Variants in ANK3 observed in about 807,000 individuals in gnomAD.
ANK3 encodes ankyrin 3.
Under a neutral mutation model 370.9 loss-of-function variants are expected in ANK3, and 57 were observed. The observed-to-expected ratio is 0.15, with a 90% CI of 0.12 to 0.19. The LOEUF is 0.19. Among genes scored for constraint, ANK3 ranks in the 10% least tolerant of loss-of-function variants. The pLI, the probability that ANK3 is intolerant of heterozygous loss-of-function variation, is 1.00. For missense variants in ANK3, 4,439 were observed against 5,302.1 expected (o/e 0.84, Z 5.06); for synonymous variants, 1,929 against 1,946.3 (o/e 0.99, Z 0.23).
At chr10:60,036,188 TG>T (rs2074916908) in intron 43 of ANK3, among the ~76,000 whole-genome samples, 1 of 152,150 alleles carries the variant, frequency 6.6e-6, no homozygotes, top group Admixed American at 6.5e-5. Flanking sequence ...TTTTCTGAAG[TG>T]TAAACCACCA....
intron 23 of ANK3, 56 bp from the exon 24 acceptor site, chr10:60,139,143 T>A (rs201484441): frequency 6.3e-7 from 1 of 1,588,576 alleles, no homozygotes; most frequent in Non-Finnish European, 8.6e-7. Context: ...AAGTGTCAGC[T>A]GTGGAGAAAA....
chr10:60,439,983 T>A (rs951945461), intron 2 of ANK3, among the ~76,000 whole-genome samples: 2 of 152,202 alleles, frequency 1.3e-5, no homozygotes, highest in Non-Finnish European at 2.9e-5. Context: ...CACTCTGAGT[T>A]TTTCAATCTG....
intron 1 of ANK3, among the ~76,000 whole-genome samples, chr10:60,305,388 A>G (rs1390405807): frequency 6.6e-6 from 1 of 151,934 alleles, no homozygotes; most frequent in East Asian, 1.9e-4. Flanking sequence ...GGCTCTAGGC[A>G]GGACATTCGT....
intron 2 of ANK3, among the ~76,000 whole-genome samples, chr10:60,469,816 C>T (rs1235989159): frequency 1.3e-5 from 2 of 150,996 alleles, no homozygotes; most frequent in South Asian, 2.1e-4. Context: ...ATCAATTAGT[C>T]ACATCCTTTC....
intron 42 of ANK3, among the ~76,000 whole-genome samples, chr10:60,048,915 C>T (rs2077389573): frequency 6.6e-6 from 1 of 152,138 alleles, no homozygotes; most frequent in South Asian, 2.1e-4. Flanking sequence ...CATTTAGGTA[C>T]TACATTCCCA....
Position 60,076,502 on chromosome 10 carries a change from G to C in ANK3, c.4433-54C>G, listed in dbSNP as rs2083855300. 5 of 1,510,814 alleles carry C rather than the reference G, an allele frequency of 3.3e-6. No homozygotes were observed. In the South Asian group the frequency reaches 6.9e-5, roughly 21 times the overall value. The allele number at this position is 1,510,814 out of a possible 1,614,324, so 93.6% of individuals were successfully genotyped here. A position where few individuals can be genotyped will look rare whatever the true frequency, so the allele number is the denominator to read the frequency against. ...AACACAAAAATCAACAAAAATGGTT[G>C]AGAAACAGAGAGACCAGAGAAAAAA... On this transcript the variant is annotated intron_variant, in intron 36 of 43. Transcript: ENST00000280772.
At chr10:60,340,147 C>T (rs906898246) in intron 1 of ANK3, among the ~76,000 whole-genome samples, 31 of 152,112 alleles carry the variant, frequency 2.0e-4, no homozygotes, top group Admixed American at 5.9e-4. Context: ...TGCTCTGTTG[C>T]CTAGGCAGAA....
chr10:60,406,411 A>T (rs527491977), intron 2 of ANK3, among the ~76,000 whole-genome samples: 1 of 152,308 alleles, frequency 6.6e-6, no homozygotes, highest in African/African-American at 2.4e-5. Flanking sequence ...TGGTTAGGAG[A>T]TGGTTTCAGG....
At chr10:60,447,495 T>TA (rs1438841685) in intron 2 of ANK3, among the ~76,000 whole-genome samples, 1 of 152,096 alleles carries the variant, frequency 6.6e-6, no homozygotes, top group Non-Finnish European at 1.5e-5. Flanking sequence ...ACTCCAGTAG[T>TA]AAAAGCATCT....
chr10:60,654,744 GT>G (rs35912234), intron 1 of ANK3, among the ~76,000 whole-genome samples: 22,402 of 151,972 alleles, frequency 0.15, 2,088 homozygotes, highest in South Asian at 0.26. Context: ...TGATTTATAG[GT>G]TTTTTTCCTT....
At chr10:60,714,769 G>T (rs1253409900) in intron 1 of ANK3, among the ~76,000 whole-genome samples, 1 of 152,118 alleles carries the variant, frequency 6.6e-6, no homozygotes, top group Non-Finnish European at 1.5e-5. Context: ...AAGGCCAATT[G>T]CTTAAGCCCC....
chr10:60,410,765 A>G (rs1436326469), intron 2 of ANK3, among the ~76,000 whole-genome samples: 1 of 152,058 alleles, frequency 6.6e-6, no homozygotes, highest in Non-Finnish European at 1.5e-5. Context: ...CTCCTGGTTC[A>G]AGGAATCCTC....
intron 30 of ANK3, 76 bp downstream of exon 30, chr10:60,086,601 T>A: frequency 7.6e-7 from 1 of 1,311,976 alleles, no homozygotes; most frequent in South Asian, 1.5e-5. Context: ...AAAGGTTTTA[T>A]ATCTTTGTAC....
intron 43 of ANK3, among the ~76,000 whole-genome samples, chr10:60,040,587 A>G (rs2075915860): frequency 6.6e-6 from 1 of 152,176 alleles, no homozygotes; most frequent in African/African-American, 2.4e-5. Flanking sequence ...TGAGTCTGAC[A>G]ACTTCTTTAT....
At chr10:60,196,266 C>T (rs1349462583) in intron 15 of ANK3, 23 bp from the exon 16 acceptor site, 2 of 1,600,282 alleles carry the variant, frequency 1.2e-6, no homozygotes, top group Non-Finnish European at 1.7e-6. Flanking sequence ...GCAGAAACAA[C>T]AACCAGTGTC....
chr10:60,359,683 T>A (rs911496355), intron 1 of ANK3, among the ~76,000 whole-genome samples: 1 of 152,152 alleles, frequency 6.6e-6, no homozygotes, highest in Non-Finnish European at 1.5e-5. Flanking sequence ...ATGCCTGTAA[T>A]CCCAGGACTT....
rs1363794119 is a variant in ANK3 at position 60,072,876 on chromosome 10, G to A, written c.8005C>T (p.Leu2669=). The A allele has an allele frequency of 1.9e-6, 3 of 1,614,072 alleles. No individual in the cohort carries two copies. Among genetic ancestry groups the A allele is most frequent in the Non-Finnish European group, 2.5e-6 (3 of 1,180,014 alleles). The stretch of plus-strand genomic sequence containing the variant: ...ACCATCTTCTCTGGGCTGCTGGGCA[G>A]ACTGGGTGCCTTCTCCTCGGCCTTG... ...FPKAEEKAPS[L]PSSPEKMVLS... The change falls in exon 37 of 44, where the codon CTG becomes TTG. Residue 2669 remains leucine, a synonymous_variant. Transcript: ENST00000280772.
chr10:60,128,052 A>T (rs756620758), intron 25 of ANK3, among the ~76,000 whole-genome samples: 1 of 152,184 alleles, frequency 6.6e-6, no homozygotes, highest in Non-Finnish European at 1.5e-5. Context: ...TTTAAAGCAC[A>T]TTGAATAAAT....
intron 1 of ANK3, among the ~76,000 whole-genome samples, chr10:60,368,438 G>A (rs1425622755): frequency 6.6e-6 from 1 of 152,138 alleles, no homozygotes; most frequent in East Asian, 1.9e-4. Context: ...CAAACTCAGT[G>A]CGGGGGGTGT....
Sources: allele counts gnomAD v4.1 joint callset (sites outside exome capture counted in the v4.1 genomes callset), GRCh38; gene constraint gnomAD v4.1.1; transcripts MANE v1.5; gene names NCBI Gene and HGNC (gene_info 2026-07-23, HGNC 2026-07-21).